TNS3: variants seen among roughly 807,000 people sequenced by gnomAD.
TNS3 encodes the protein tensin 3.
In TNS3, 45 loss-of-function variants were observed where a neutral mutation model predicts 140.9. That is an observed-to-expected ratio of 0.32 (90% CI 0.25 to 0.41). TNS3 has a LOEUF of 0.41. TNS3 is among the 10% of genes least tolerant of loss of function. The pLI, the probability that TNS3 is intolerant of heterozygous loss-of-function variation, is 1.00. For missense variants in TNS3, 1,716 were observed against 1,906.7 expected (o/e 0.90, Z 1.86); for synonymous variants, 815 against 788.4 (o/e 1.03, Z -0.56).
intron 1 of TNS3, among the ~76,000 whole-genome samples, chr7:47,572,218 C>T (rs1362578553): frequency 6.6e-6 from 1 of 152,228 alleles, no homozygotes. Flanking sequence ...GGAGTAAGGC[C>T]ATCCCTCCAG....
intron 27 of TNS3, among the ~76,000 whole-genome samples, chr7:47,289,448 G>A (rs1363331378): frequency 2.0e-5 from 3 of 152,298 alleles, no homozygotes; most frequent in Non-Finnish European, 4.4e-5. Context: ...AGAGCCCTAT[G>A]GTGTGTGGTT....
At chr7:47,380,199 C>G (rs1791667480) in intron 16 of TNS3, among the ~76,000 whole-genome samples, 1 of 152,256 alleles carries the variant, frequency 6.6e-6, no homozygotes, top group Non-Finnish European at 1.5e-5. Flanking sequence ...GCCGTACTGA[C>G]AGCAGGGCAG....
intron 3 of TNS3, among the ~76,000 whole-genome samples, chr7:47,506,177 A>T (rs1798410778): frequency 6.6e-6 from 1 of 152,142 alleles, no homozygotes; most frequent in Non-Finnish European, 1.5e-5. Context: ...TGACACCCCG[A>T]CTGCAGACCC....
chr7:47,414,059 C>G, intron 11 of TNS3, 62 bp from the exon 12 acceptor site: 1 of 1,487,688 alleles, frequency 6.7e-7, no homozygotes, highest in East Asian at 2.4e-5. Context: ...AGGAATTTGG[C>G]AATCAGAAAG....
intron 4 of TNS3, among the ~76,000 whole-genome samples, chr7:47,459,777 A>G (rs570883201): frequency 6.6e-6 from 1 of 152,286 alleles, no homozygotes; most frequent in Non-Finnish European, 1.5e-5. Flanking sequence ...ATTACCCACC[A>G]TATCTGGCAA....
At chr7:47,524,811 G>GAAAAAAAAA (rs58986640) in intron 2 of TNS3, among the ~76,000 whole-genome samples, 6 of 93,008 alleles carry the variant, frequency 6.5e-5, no homozygotes, top group African/African-American at 3.5e-4. Context: ...TCCGTCTCAA[G>GAAAAAAAAA]AAAAAAAAAA....
chr7:47,403,471 T>C (rs889687049), intron 13 of TNS3: 1 of 152,264 alleles, frequency 6.6e-6, no homozygotes, highest in Non-Finnish European at 1.5e-5. Context: ...AGAGAACAAC[T>C]GCTGCCTGAA....
chr7:47,468,508 C>T (rs568394813), intron 4 of TNS3, among the ~76,000 whole-genome samples: 15 of 152,040 alleles, frequency 9.9e-5, no homozygotes, highest in Admixed American at 6.6e-4. Context: ...TGCTATTTCC[C>T]GAACCAATCA....
At position 47,510,934 on chromosome 7, in the gene TNS3, C is replaced by A. The variant is rs187547734; in HGVS notation, c.-152-3990G>T. Reference sequence around the variant, plus strand: ...ACTCCTAGGACATTTCTGTTAAAATCAACAATATTATTAACAAATGTGGGG... The same window carrying A: ...ACTCCTAGGACATTTCTGTTAAAATAAACAATATTATTAACAAATGTGGGG... On this transcript the variant is annotated intron_variant, in intron 2 of 30. Transcript: ENST00000311160. Among the ~76,000 whole-genome samples, 4 of 149,758 alleles carry A rather than the reference C, an allele frequency of 2.7e-5. No individual in the cohort carries two copies. In the East Asian group the frequency reaches 7.9e-4, roughly 29 times the overall value.
intron 1 of TNS3, among the ~76,000 whole-genome samples, chr7:47,548,671 C>T (rs1387650534): frequency 6.6e-6 from 1 of 152,084 alleles, no homozygotes; most frequent in African/African-American, 2.4e-5. Flanking sequence ...GCCTGGGCTC[C>T]GACCTGCAGG....
intron 2 of TNS3, among the ~76,000 whole-genome samples, chr7:47,513,647 T>C (rs1486919384): frequency 6.6e-6 from 1 of 152,212 alleles, no homozygotes; most frequent in African/African-American, 2.4e-5. Flanking sequence ...TCCATCAACT[T>C]GCAAAAACTG....
chr7:47,371,522 C>G (rs1791071194), intron 16 of TNS3, among the ~76,000 whole-genome samples: 1 of 152,168 alleles, frequency 6.6e-6, no homozygotes, highest in Non-Finnish European at 1.5e-5. Flanking sequence ...AGGGCACACA[C>G]CTGGAGGCTC....
intron 9 of TNS3, among the ~76,000 whole-genome samples, chr7:47,428,015 G>C (rs144790587): frequency 5.3e-5 from 8 of 152,182 alleles, no homozygotes; most frequent in African/African-American, 1.9e-4. Flanking sequence ...TTTTTTGTTA[G>C]AGAATTCTCT....
In TNS3 at chr7:47,344,838, A is replaced by G; in HGVS notation, c.2567T>C (p.Val856Ala). ...AFPVSPETPYVKTALRHPPFS... is the reference protein window; with the variant it reads ...AFPVSPETPYAKTALRHPPFS... ...CGGAGGATGGCGCAGCGCTGTTTTC[A>G]CTGGAAAAGAAAGCAGAGCAAGGGG... is the stretch of plus-strand genomic sequence containing the variant. The change falls in exon 20 of 31, where the codon GTG becomes GCG. Residue 856 changes from valine (V) to alanine (A), a missense_variant and splice_region_variant. Val to Ala is a moderately conservative substitution (Grantham distance 64). Coordinates refer to ENST00000311160, the MANE Select transcript of TNS3 (RefSeq NM_022748.12). 6.2e-7 allele frequency: 1 copy of G among 1,613,906 alleles called. No individual in the cohort carries two copies. Among genetic ancestry groups the G allele is most frequent in the Non-Finnish European group, 8.5e-7 (1 of 1,179,914 alleles).
chr7:47,444,701 G>A (rs869170), intron 4 of TNS3, among the ~76,000 whole-genome samples: 55,276 of 151,778 alleles, frequency 0.36, 10,472 homozygotes, highest in Non-Finnish European at 0.42. Flanking sequence ...CAATCCAATA[G>A]TCTCTGAATC....
intron 21 of TNS3, 118 bp from the exon 22 acceptor site, chr7:47,303,702 A>G (rs1786566225): frequency 8.1e-7 from 1 of 1,234,478 alleles, no homozygotes; most frequent in Non-Finnish European, 1.1e-6. Context: ...GAGGCCCTCC[A>G]GGCAGCACAG....
chr7:47,479,982 G>A (rs1797354849), intron 4 of TNS3, among the ~76,000 whole-genome samples: 1 of 152,250 alleles, frequency 6.6e-6, no homozygotes, highest in African/African-American at 2.4e-5. Flanking sequence ...CCAAGGCTCA[G>A]ATGGGCAGGG....
intron 1 of TNS3, among the ~76,000 whole-genome samples, chr7:47,580,906 C>T (rs561071766): frequency 1.3e-5 from 2 of 152,226 alleles, no homozygotes; most frequent in African/African-American, 4.8e-5. Context: ...CCTCCATGAT[C>T]ATGCATTCAA....
rs982392319 is a variant in TNS3 at position 47,557,500 on chromosome 7, A to G, written c.-265+24551T>C. 3.9e-5 allele frequency among the ~76,000 whole-genome samples: 6 copies of G among 152,370 alleles called. 1 individual carries two copies. Among genetic ancestry groups the G allele is most frequent in the African/African-American group, 1.2e-4 (5 of 41,592 alleles). On this transcript the variant is annotated intron_variant, in intron 1 of 30. Transcript: ENST00000311160. ...AAAAATGGTCCTGTCCATTTCTGCA[A>G]TGCCTTTCCTTGCAACACATACAGA...
Sources: allele counts gnomAD v4.1 joint callset (sites outside exome capture counted in the v4.1 genomes callset), GRCh38; gene constraint gnomAD v4.1.1; transcripts MANE v1.5; gene names NCBI Gene and HGNC (gene_info 2026-07-23, HGNC 2026-07-21).